Variants in PPARG observed in about 807,000 individuals in gnomAD.
The protein encoded by PPARG is peroxisome proliferator-activated receptor gamma.
PPARG carries 17 observed loss-of-function variants against 39.2 expected under a neutral mutation model. That is an observed-to-expected ratio of 0.43 (90% confidence interval 0.30 to 0.65). The LOEUF is 0.65. PPARG is among the 30% of genes least tolerant of loss of function. The pLI, the probability that PPARG is intolerant of heterozygous loss-of-function variation, is 0.13. For synonymous variants in PPARG, 223 were observed against 215.7 expected, an observed-to-expected ratio of 1.03 and a Z score of -0.30; for missense variants, 406 against 585.9, an observed-to-expected ratio of 0.69 and a Z score of 3.17.
At chr3:12,303,334 T>C (rs1475530116) in intron 1 of PPARG, among the ~76,000 whole-genome samples, 1 of 152,092 alleles carries the variant, frequency 6.6e-6, no homozygotes, top group African/African-American at 2.4e-5. Context: ...GTAGCTGGGA[T>C]TACAGGCATG....
intron 5 of PPARG, among the ~76,000 whole-genome samples, chr3:12,394,902 C>T (rs1042879079): frequency 2.0e-5 from 3 of 152,130 alleles, no homozygotes; most frequent in Non-Finnish European, 2.9e-5. Flanking sequence ...GAGTGTTATA[C>T]CAAAATCAGC....
At chr3:12,369,953 G>T (rs1027607524) in intron 2 of PPARG, among the ~76,000 whole-genome samples, 1 of 152,104 alleles carries the variant, frequency 6.6e-6, no homozygotes, top group Non-Finnish European at 1.5e-5. Context: ...TCTTCCTCCT[G>T]CATTTTCTCT....
At chr3:12,380,818 A>G (rs1259867279) in intron 3 of PPARG, among the ~76,000 whole-genome samples, 2 of 152,168 alleles carry the variant, frequency 1.3e-5, no homozygotes, top group African/African-American at 2.4e-5. Context: ...ACTGAACACT[A>G]ATGGTAACCT....
In PPARG at chr3:12,379,023, T is replaced by C. The variant is rs191162837; in HGVS notation, c.-8-681T>C. 3.3e-4 allele frequency among the ~76,000 whole-genome samples: 51 copies of C among 152,292 alleles called. 1 individual carries two copies. The highest frequency in any genetic ancestry group is 7.2e-4 in the African/African-American group (30 of 41,572). On this transcript the variant is annotated intron_variant, in intron 2 of 7. Transcript: ENST00000651735. Reference sequence around the variant, plus strand: ...TGTTTTGTTTTGGTTTAGGTTTTTTTTGAGGTGGAGTCTTGCTCTGTCACC... The same window carrying C: ...TGTTTTGTTTTGGTTTAGGTTTTTTCTGAGGTGGAGTCTTGCTCTGTCACC...
At chr3:12,336,439 C>T (rs567793450) in intron 2 of PPARG, among the ~76,000 whole-genome samples, 1 of 151,686 alleles carries the variant, frequency 6.6e-6, no homozygotes, top group East Asian at 1.9e-4. Context: ...ACTAGAAACA[C>T]TTCAGAGAAA....
intron 4 of PPARG, among the ~76,000 whole-genome samples, chr3:12,390,704 AATC>A (rs2050045907): frequency 7.9e-6 from 1 of 126,228 alleles, no homozygotes. Context: ...GCAGTGGTGC[AATC>A]ATAACTTGGC....
chr3:12,328,740 T>A (rs1051933338), intron 2 of PPARG, among the ~76,000 whole-genome samples: 1 of 152,210 alleles, frequency 6.6e-6, no homozygotes, highest in Non-Finnish European at 1.5e-5. Flanking sequence ...CCCTCTTCTC[T>A]TTTCCCTTCC....
chr3:12,413,309 G>A (rs2050942645), intron 6 of PPARG, among the ~76,000 whole-genome samples: 1 of 152,170 alleles, frequency 6.6e-6, no homozygotes, highest in South Asian at 2.1e-4. Context: ...AAGAAAGGCA[G>A]ACCAGGCCCA....
At chr3:12,327,300 A>G (rs2047722522) in intron 2 of PPARG, among the ~76,000 whole-genome samples, 1 of 152,198 alleles carries the variant, frequency 6.6e-6, no homozygotes, top group Non-Finnish European at 1.5e-5. Context: ...CAAACCATCT[A>G]TAAATTAGCA....
intron 6 of PPARG, among the ~76,000 whole-genome samples, chr3:12,413,384 G>A (rs946083783): frequency 1.2e-4 from 19 of 152,238 alleles, no homozygotes; most frequent in East Asian, 1.9e-4. Context: ...TGCAGCCTTC[G>A]GAAATGCAGT....
At chr3:12,303,384 A>T (rs1400668232) in intron 1 of PPARG, among the ~76,000 whole-genome samples, 1 of 152,130 alleles carries the variant, frequency 6.6e-6, no homozygotes, top group South Asian at 2.1e-4. Context: ...TATTTTTAGT[A>T]GAGATGGGGT....
At chr3:12,388,983 G>A (rs542263655) in intron 4 of PPARG, among the ~76,000 whole-genome samples, 193 of 152,216 alleles carry the variant, frequency 1.3e-3, no homozygotes, top group African/African-American at 4.4e-3. Context: ...CAGAATGAAA[G>A]CAACAGTGTC....
intron 2 of PPARG, among the ~76,000 whole-genome samples, chr3:12,315,607 G>A (rs1240678096): frequency 6.6e-6 from 1 of 152,130 alleles, no homozygotes; most frequent in East Asian, 1.9e-4. Context: ...GCAAATCTTA[G>A]AACAGAGTAA....
At chr3:12,357,310 A>G (rs113066870) in intron 2 of PPARG, among the ~76,000 whole-genome samples, 32 of 151,948 alleles carry the variant, frequency 2.1e-4, no homozygotes, top group African/African-American at 7.7e-4. Flanking sequence ...CTCTGCTCCA[A>G]GCACGCCGGC....
At chr3:12,432,181 C>T (rs1416000053) in intron 7 of PPARG, among the ~76,000 whole-genome samples, 3 of 152,204 alleles carry the variant, frequency 2.0e-5, no homozygotes, top group Non-Finnish European at 2.9e-5. Context: ...TGCGTTGACA[C>T]AGAAGGCAAA....
intron 1 of PPARG, among the ~76,000 whole-genome samples, chr3:12,310,023 T>C (rs1008285349): frequency 1.3e-5 from 2 of 152,176 alleles, no homozygotes; most frequent in Non-Finnish European, 2.9e-5. Context: ...CGGCAATCCT[T>C]GGTGTCTACT....
intron 1 of PPARG, among the ~76,000 whole-genome samples, chr3:12,305,005 T>G (rs191326495): frequency 1.4e-4 from 21 of 152,254 alleles, no homozygotes; most frequent in African/African-American, 5.1e-4. Flanking sequence ...CTTTCTTGTC[T>G]TCTATCTTCT....
intron 5 of PPARG, among the ~76,000 whole-genome samples, chr3:12,396,457 T>C (rs1302203144): frequency 6.6e-6 from 1 of 152,064 alleles, no homozygotes; most frequent in African/African-American, 2.4e-5. Context: ...ATTTAGTCAT[T>C]AAGAATTTTG....
chr3:12,373,782 T>C (rs1413528104), intron 2 of PPARG, among the ~76,000 whole-genome samples: 1 of 152,012 alleles, frequency 6.6e-6, no homozygotes, highest in African/African-American at 2.4e-5. Flanking sequence ...TATATCTGAG[T>C]TAAAGGAGGA....
Sources: allele counts gnomAD v4.1 joint callset (sites outside exome capture counted in the v4.1 genomes callset), GRCh38; gene constraint gnomAD v4.1.1; transcripts MANE v1.5; gene names NCBI Gene and HGNC (gene_info 2026-07-23, HGNC 2026-07-21).